The following DMXL1 variants were observed in gnomAD, a reference collection of about 807,000 sequenced individuals.
DMXL1 encodes dmX-like protein 1.
Under a neutral mutation model 319.2 loss-of-function variants are expected in DMXL1, and 99 were observed. The observed-to-expected ratio is 0.31, with a 90% confidence interval of 0.26 to 0.37. The LOEUF is 0.37. DMXL1 is among the 10% of genes least tolerant of loss of function. DMXL1 has a pLI of 1.00. For missense variants in DMXL1, 3,745 were observed against 3,595.6 expected, an observed-to-expected ratio of 1.04 and a Z score of -1.06; for synonymous variants, 1,385 against 1,235.2, an observed-to-expected ratio of 1.12 and a Z score of -2.54.
chr5:119,081,837 T>C (rs1484752234), intron 1 of DMXL1: 1 of 593,702 alleles, frequency 1.7e-6, no homozygotes, highest in African/African-American at 2.0e-5. Context: ...CCTTTGGAAA[T>C]AAAAATTGAG....
intron 38 of DMXL1, among the ~76,000 whole-genome samples, chr5:119,225,392 G>A (rs553655150): frequency 2.6e-5 from 4 of 151,824 alleles, no homozygotes; most frequent in Non-Finnish European, 4.4e-5. Context: ...TTTATTGGAG[G>A]TATTGATTCT....
chr5:119,210,625 G>C (rs1561882814), intron 34 of DMXL1, among the ~76,000 whole-genome samples: 1 of 151,870 alleles, frequency 6.6e-6, no homozygotes, highest in Admixed American at 6.6e-5. Context: ...AGTCTGTTTT[G>C]GGCCATTGAT....
rs202062311 is a variant in DMXL1 at position 119,074,327 on chromosome 5, TTAC to T, written c.87+2673_87+2675del. Among the ~76,000 whole-genome samples, 600 of 152,370 alleles carry T rather than the reference TTAC, an allele frequency of 3.9e-3. 10 individuals carry two copies. The highest frequency in any genetic ancestry group is 0.026 in the South Asian group (127 of 4,828). The stretch of plus-strand genomic sequence containing the variant: ...GACTAAAATATCCCTCAGTTGCATT[TTAC>T]TTGAAGTGGAGCATGACATCTTCCT... On this transcript the variant is annotated intron_variant, in intron 1 of 43. Coordinates refer to ENST00000539542, the MANE Select transcript of DMXL1 (RefSeq NM_001290321.3).
chr5:119,087,674 A>C (rs1409180162), intron 1 of DMXL1, among the ~76,000 whole-genome samples: 1 of 152,096 alleles, frequency 6.6e-6, no homozygotes, highest in African/African-American at 2.4e-5. Context: ...TATTAGATCT[A>C]GTGTATCGTT....
rs554137603 is a variant in DMXL1 at position 119,164,742 on chromosome 5, C to T, written c.4872+66C>T. 1.9e-4 allele frequency: 269 copies of T among 1,403,086 alleles called. 1 individual carries two copies. The highest frequency in any genetic ancestry group is 1.9e-4 in the Non-Finnish European group (191 of 1,027,330). The allele number at this position is 1,403,086 out of a possible 1,614,324, so 86.9% of individuals were successfully genotyped here. On this transcript the variant is annotated intron_variant, in intron 20 of 43. Coordinates refer to ENST00000539542, the MANE Select transcript of DMXL1 (RefSeq NM_001290321.3). ...TTGGACGTTTCTTTAAATGGCATTT[C>T]ATATCTTCTCTGCCATTACTCCCTC...
At chr5:119,128,360 C>T (rs1414901741) in intron 9 of DMXL1, 3 of 279,440 alleles carry the variant, frequency 1.1e-5, no homozygotes, top group South Asian at 8.4e-5. Context: ...GAAAATCCCA[C>T]GTAGACTTCA....
chr5:119,237,495 A>G, intron 40 of DMXL1, 81 bp downstream of exon 40: 2 of 816,748 alleles, frequency 2.4e-6, no homozygotes, highest in African/African-American at 1.7e-5. Flanking sequence ...GAGACAAGAA[A>G]TATAGAACTA....
At chr5:119,146,259 A>G (rs1768503755) in intron 15 of DMXL1, among the ~76,000 whole-genome samples, 1 of 151,972 alleles carries the variant, frequency 6.6e-6, no homozygotes, top group Non-Finnish European at 1.5e-5. Flanking sequence ...TTGGATTAAA[A>G]TCTATTGTTA....
chr5:119,117,334 G>A (rs760360378), intron 7 of DMXL1, among the ~76,000 whole-genome samples: 3 of 152,094 alleles, frequency 2.0e-5, no homozygotes, highest in Non-Finnish European at 2.9e-5. Flanking sequence ...AGCCATGTGC[G>A]CAGCCAGAAA....
In DMXL1 at chr5:119,121,061, C is replaced by A; in HGVS notation, c.1024C>A (p.His342Asn). The change falls in exon 9 of 44, where the codon CAT becomes AAT. Residue 342 changes from histidine to asparagine, a missense_variant. This residue lies in a region of DMXL1 where 2,096 missense variants were observed against 1,985.4 expected (regional missense o/e 1.06). Coordinates refer to ENST00000539542, the MANE Select transcript of DMXL1 (RefSeq NM_001290321.3). ...TCTACCACATCAGCAGGATCCTCAT[C>A]ATGTTCACAGGAACACTCCACTGCA... ...GYLPHQQDPHHVHRNTPLHAN... is the reference protein window; with the variant it reads ...GYLPHQQDPHNVHRNTPLHAN... 1 of 1,613,788 alleles carries A rather than the reference C, an allele frequency of 6.2e-7. No homozygotes were observed. The highest frequency in any genetic ancestry group is 1.1e-5 in the South Asian group (1 of 91,020).
intron 19 of DMXL1, among the ~76,000 whole-genome samples, chr5:119,159,659 C>G (rs1023865004): frequency 2.6e-5 from 4 of 152,188 alleles, no homozygotes; most frequent in African/African-American, 9.7e-5. Context: ...GAGTCTTGCT[C>G]TGTCGCCCAG....
chr5:119,163,662 C>T (rs1050624278), intron 19 of DMXL1, among the ~76,000 whole-genome samples: 1 of 152,326 alleles, frequency 6.6e-6, no homozygotes, highest in South Asian at 2.1e-4. Context: ...AATCTCGGCT[C>T]ACTGCAAGCT....
At chr5:119,153,816 G>C (rs946778922) in intron 19 of DMXL1, among the ~76,000 whole-genome samples, 4 of 152,152 alleles carry the variant, frequency 2.6e-5, no homozygotes, top group Non-Finnish European at 5.9e-5. Context: ...GTTCTGCTAG[G>C]TTGCATTTTG....
At chr5:119,220,914 T>A in intron 36 of DMXL1, 26 bp from the exon 37 acceptor site, 1 of 1,605,014 alleles carries the variant, frequency 6.2e-7, no homozygotes, top group Non-Finnish European at 8.5e-7. Context: ...TGAGTTGTTT[T>A]TATTCTGGTT....
intron 13 of DMXL1, among the ~76,000 whole-genome samples, chr5:119,135,010 C>G (rs1429045763): frequency 6.6e-6 from 1 of 152,234 alleles, no homozygotes; most frequent in African/African-American, 2.4e-5. Context: ...ATCTCCCTGA[C>G]TACCAATTAA....
chr5:119,172,115 A>G (rs1207015967), intron 25 of DMXL1, 146 bp downstream of exon 25: 1 of 736,338 alleles, frequency 1.4e-6, no homozygotes, highest in Non-Finnish European at 2.1e-6. Context: ...GATTCCTATT[A>G]AAGAAATCTT....
intron 1 of DMXL1, among the ~76,000 whole-genome samples, chr5:119,085,754 C>T (rs796864176): frequency 6.6e-6 from 1 of 152,100 alleles, no homozygotes; most frequent in Non-Finnish European, 1.5e-5. Flanking sequence ...AGTCGGCATT[C>T]TTGTTCCATA....
At chr5:119,150,521 G>A in intron 18 of DMXL1, 100 bp downstream of exon 18, 1 of 1,292,892 alleles carries the variant, frequency 7.7e-7, no homozygotes, top group Non-Finnish European at 1.0e-6. Flanking sequence ...AGGCACAGGG[G>A]CTTATGCCTG....
chr5:119,130,334 GTTTT>G (rs140167068), intron 10 of DMXL1, among the ~76,000 whole-genome samples: 2 of 147,074 alleles, frequency 1.4e-5, no homozygotes, highest in African/African-American at 5.0e-5. Context: ...TGCACTTTGT[GTTTT>G]TTTTTTGTTT....
Sources: gnomAD v4.1 joint callset for allele counts (sites outside exome capture counted in the v4.1 genomes callset) on GRCh38, gnomAD v4.1.1 for gene constraint, gnomAD v4.1.1 regional missense constraint, MANE v1.5 for transcripts, NCBI Gene and HGNC (gene_info 2026-07-23, HGNC 2026-07-21) for gene names.